Variants in RFX3 observed in about 807,000 individuals in gnomAD.
The protein encoded by RFX3 is regulatory factor X3.
In RFX3, 14 loss-of-function variants were observed where a neutral mutation model predicts 98.6. The ratio of observed to expected loss-of-function variants is 0.14; its 90% CI spans 0.09 to 0.22. The LOEUF is 0.22. RFX3 is among the 10% of genes least tolerant of loss of function. The pLI, the probability that RFX3 is intolerant of heterozygous loss-of-function variation, is 1.00. For synonymous variants in RFX3, 383 were observed against 328.4 expected (o/e 1.17, Z -1.80); for missense variants, 639 against 926.9 (o/e 0.69, Z 4.03).
intron 1 of RFX3, among the ~76,000 whole-genome samples, chr9:3,402,972 T>G (rs1281454434): frequency 1.3e-5 from 2 of 151,994 alleles, no homozygotes; most frequent in African/African-American, 4.8e-5. Context: ...TGTACAATGA[T>G]GGGGCATAGT....
chr9:3,505,945 T>C (rs996996336), intron 1 of RFX3, among the ~76,000 whole-genome samples: 2 of 151,880 alleles, frequency 1.3e-5, no homozygotes, highest in Non-Finnish European at 2.9e-5. Context: ...CATTCTTGTA[T>C]CCTTCACAGC....
chr9:3,493,480 C>T (rs558975341), intron 1 of RFX3, among the ~76,000 whole-genome samples: 6 of 151,840 alleles, frequency 4.0e-5, no homozygotes, highest in African/African-American at 1.4e-4. Flanking sequence ...GTCAGGAGAT[C>T]GAGACCATTC....
At chr9:3,310,190 G>A (rs1468859892) in intron 4 of RFX3, among the ~76,000 whole-genome samples, 4 of 152,152 alleles carry the variant, frequency 2.6e-5, no homozygotes, top group East Asian at 3.9e-4. Flanking sequence ...AGCAAAATGG[G>A]AAGAGGTGTT....
At position 3,506,625 on chromosome 9, in the gene RFX3, T is replaced by A. The variant is rs78567148; in HGVS notation, c.-9+19122A>T. The stretch of plus-strand genomic sequence containing the variant: ...TTCTGAAAGTAAGATATTAGCCTTG[T>A]TGGATACTAAGAAAATCCAAACAAG... On this transcript the variant is annotated intron_variant, in intron 1 of 16. Coordinates refer to ENST00000617270, the MANE Select transcript of RFX3 (RefSeq NM_001282116.2). 3.7e-4 allele frequency among the ~76,000 whole-genome samples: 56 copies of A among 152,000 alleles called. No homozygotes were observed. In the East Asian group the frequency reaches 9.3e-3, roughly 25 times the overall value.
chr9:3,440,099 A>T (rs1406852166), intron 1 of RFX3, among the ~76,000 whole-genome samples: 1 of 152,080 alleles, frequency 6.6e-6, no homozygotes. Flanking sequence ...GCAATAAAAG[A>T]ATTTTTTCCA....
intron 9 of RFX3, among the ~76,000 whole-genome samples, chr9:3,273,114 T>C (rs1478571579): frequency 2.6e-5 from 4 of 152,174 alleles, no homozygotes; most frequent in African/African-American, 9.7e-5. Flanking sequence ...GACTAAAATA[T>C]ATAGGCAAAT....
Position 3,369,868 on chromosome 9 carries a change from C to T in RFX3, c.118-23104G>A, listed in dbSNP as rs188220467. Among the ~76,000 whole-genome samples the T allele has an allele frequency of 2.9e-3, 444 of 152,144 alleles. 1 individual carries two copies. The highest frequency in any genetic ancestry group is 0.02 in the Middle Eastern group (6 of 294). On this transcript the variant is annotated intron_variant, in intron 2 of 16. Coordinates refer to ENST00000617270, the MANE Select transcript of RFX3 (RefSeq NM_001282116.2). ...TGTTTGACACGGAGTCTTGATCTGT[C>T]GCCCAGGCTGGAGTGCGGTGGCGCC...
intron 2 of RFX3, among the ~76,000 whole-genome samples, chr9:3,361,386 C>T (rs1046510858): frequency 5.9e-5 from 9 of 151,894 alleles, no homozygotes; most frequent in African/African-American, 2.2e-4. Flanking sequence ...AAGCACAGTA[C>T]GGATATGCTA....
In RFX3 at chr9:3,418,771, G is replaced by C. The variant is rs539182526; in HGVS notation, c.-8-23175C>G. On this transcript the variant is annotated intron_variant, in intron 1 of 16. Coordinates refer to ENST00000617270, the MANE Select transcript of RFX3 (RefSeq NM_001282116.2). ...ATAGGATATCATCATAGAAAAATAA[G>C]TTGCTTAGAATTCATATTTTTAAAA... Among the ~76,000 whole-genome samples the C allele has an allele frequency of 4.6e-5, 7 of 152,264 alleles. No homozygotes were observed. In the South Asian group the frequency reaches 1.0e-3, roughly 23 times the overall value.
At chr9:3,329,063 G>A (rs1335883683) in intron 4 of RFX3, among the ~76,000 whole-genome samples, 1 of 152,104 alleles carries the variant, frequency 6.6e-6, no homozygotes, top group Non-Finnish European at 1.5e-5. Context: ...ATCAAATTCT[G>A]CAAAATTTTC....
rs1586804383 is a variant in RFX3, at chr9:3,266,390, C to G, written c.1358-85G>C. ...GCTAGAATAAAAGAAAATGCTCGTA[C>G]ACAATATCTGATACAGCACAGAACT... On this transcript the variant is annotated intron_variant, in intron 11 of 16. Coordinates refer to ENST00000617270, the MANE Select transcript of RFX3 (RefSeq NM_001282116.2). 3.8e-6 allele frequency: 3 copies of G among 789,584 alleles called. No individual in the cohort carries two copies. The East Asian group carries it at 8.0e-5, about 21-fold the overall frequency. The allele number at this position is 789,584 out of a possible 1,614,324, so 48.9% of individuals were successfully genotyped here.
At chr9:3,442,757 A>G (rs1845712945) in intron 1 of RFX3, among the ~76,000 whole-genome samples, 1 of 152,206 alleles carries the variant, frequency 6.6e-6, no homozygotes, top group Non-Finnish European at 1.5e-5. Flanking sequence ...ATAAAAATGG[A>G]TTATAGACCT....
intron 1 of RFX3, among the ~76,000 whole-genome samples, chr9:3,410,242 AT>A (rs1842351561): frequency 2.7e-5 from 4 of 146,842 alleles, no homozygotes; most frequent in South Asian, 2.2e-4. Context: ...ACAGCACTTT[AT>A]ATTCTATAGG....
chr9:3,237,814 A>C (rs473778), intron 15 of RFX3, among the ~76,000 whole-genome samples: 117,114 of 151,962 alleles, frequency 0.77, 47,875 homozygotes, highest in East Asian at 0.97. Flanking sequence ...AGTGGAGCAC[A>C]GCATGGGCGG....
chr9:3,252,311 C>T (rs1242973623), intron 14 of RFX3, among the ~76,000 whole-genome samples: 4 of 152,034 alleles, frequency 2.6e-5, no homozygotes, highest in East Asian at 1.9e-4. Flanking sequence ...AAAAAGTTCA[C>T]GTTCTGTTAG....
chr9:3,422,620 TAAG>T (rs1843554053), intron 1 of RFX3, among the ~76,000 whole-genome samples: 1 of 152,226 alleles, frequency 6.6e-6, no homozygotes, highest in South Asian at 2.1e-4. Context: ...ATATGCCAGT[TAAG>T]AAGACTCCAA....
intron 2 of RFX3, among the ~76,000 whole-genome samples, chr9:3,355,837 T>C: frequency 6.6e-6 from 1 of 151,780 alleles, no homozygotes; most frequent in East Asian, 1.9e-4. Flanking sequence ...CAGAGCATGC[T>C]CTCTGACCAA....
Position 3,330,243 on chromosome 9 carries a change from A to G in RFX3, c.474+16T>C. ...ATTAAAAGCTAAACTAAACTACTAA[A>G]AATTCAAATACTTACTGTCGCTGGG... is the stretch of plus-strand genomic sequence containing the variant. On this transcript the variant is annotated intron_variant, in intron 4 of 16. Coordinates refer to ENST00000617270, the MANE Select transcript of RFX3 (RefSeq NM_001282116.2). 1 of 1,613,470 alleles carries G rather than the reference A, an allele frequency of 6.2e-7. No homozygotes were observed. The highest frequency in any genetic ancestry group is 8.5e-7 in the Non-Finnish European group (1 of 1,179,622).
At position 3,441,132 on chromosome 9, in the gene RFX3, T is replaced by C. The variant is rs919847965; in HGVS notation, c.-8-45536A>G. On this transcript the variant is annotated intron_variant, in intron 1 of 16. Coordinates refer to ENST00000617270, the MANE Select transcript of RFX3 (RefSeq NM_001282116.2). ...CTCTGAAGCTGCTTTATATGTATAC[T>C]GGGTTTGTACAACCAAGTAAATGGA... 7.9e-5 allele frequency among the ~76,000 whole-genome samples: 12 copies of C among 152,328 alleles called. No homozygotes were observed. The East Asian group carries it at 1.2e-3, about 15-fold the overall frequency.
Sources: gnomAD v4.1 joint callset for allele counts (sites outside exome capture counted in the v4.1 genomes callset) on GRCh38, gnomAD v4.1.1 for gene constraint, MANE v1.5 for transcripts, NCBI Gene and HGNC (gene_info 2026-07-23, HGNC 2026-07-21) for gene names.